Variants in ATXN7 observed in about 807,000 individuals in gnomAD.
ATXN7 encodes the protein ataxin-7.
In ATXN7, 12 loss-of-function variants were observed where a neutral mutation model predicts 70.5. The ratio of observed to expected loss-of-function variants is 0.17; its 90% confidence interval spans 0.11 to 0.28. The LOEUF (loss-of-function observed/expected upper bound fraction) is 0.28. Ranked by LOEUF, ATXN7 falls within the 10% of genes least tolerant of loss-of-function variation. The pLI, the probability that ATXN7 is intolerant of heterozygous loss-of-function variation, is 1.00. For missense variants in ATXN7, 1,256 were observed against 1,131.7 expected (o/e 1.11, Z -1.58); for synonymous variants, 498 against 448.7 (o/e 1.11, Z -1.39).
At chr3:63,943,217 C>T (rs752736646) in intron 4 of ATXN7, among the ~76,000 whole-genome samples, 3 of 152,086 alleles carry the variant, frequency 2.0e-5, no homozygotes, top group Non-Finnish European at 4.4e-5. Context: ...GCAAAGGGCC[C>T]GAAGTGGGGT....
Position 63,973,890 on chromosome 3 carries a change from C to CAT in ATXN7, c.500-6024_500-6023insTA, listed in dbSNP as rs556854969. Among the ~76,000 whole-genome samples, 436 of 151,852 alleles carry CAT rather than the reference C, an allele frequency of 2.9e-3. 1 individual carries two copies. Among genetic ancestry groups the CAT allele is most frequent in the African/African-American group, 0.01 (417 of 41,394 alleles). On this transcript the variant is annotated intron_variant, in intron 5 of 12. Transcript: ENST00000674280. Reference sequence around the variant, plus strand: ...AAAAGTTTAAAGGGAAGGCACAACTCAAAGGTGGGCATGACAGTGTAGAAA... The same window carrying CAT: ...AAAAGTTTAAAGGGAAGGCACAACTCATAAAGGTGGGCATGACAGTGTAGAAA...
intron 1 of ATXN7, among the ~76,000 whole-genome samples, chr3:63,892,390 AC>A (rs1703297211): frequency 6.7e-6 from 1 of 150,184 alleles, no homozygotes; most frequent in Non-Finnish European, 1.5e-5. Context: ...ACACACACAC[AC>A]ACACACACAC....
intron 6 of ATXN7, among the ~76,000 whole-genome samples, chr3:63,980,954 A>G (rs1166823507): frequency 6.6e-6 from 1 of 152,180 alleles, no homozygotes; most frequent in African/African-American, 2.4e-5. Flanking sequence ...GTAGATTGAC[A>G]GGTTTCTTGA....
intron 1 of ATXN7, among the ~76,000 whole-genome samples, chr3:63,880,772 A>G (rs1441082882): frequency 1.3e-5 from 2 of 152,086 alleles, no homozygotes; most frequent in East Asian, 3.9e-4. Context: ...AACCCTGTGT[A>G]TTCAGACACG....
At chr3:63,947,496 G>A (rs1452780255) in intron 4 of ATXN7, among the ~76,000 whole-genome samples, 7 of 152,186 alleles carry the variant, frequency 4.6e-5, no homozygotes, top group Non-Finnish European at 1.0e-4. Context: ...GGAGGCTGAG[G>A]TGGAAGGATC....
chr3:63,945,070 G>T (rs2074836953), intron 4 of ATXN7, among the ~76,000 whole-genome samples: 1 of 152,220 alleles, frequency 6.6e-6, no homozygotes, highest in African/African-American at 2.4e-5. Flanking sequence ...GGGATTACAG[G>T]CATGAGCCAC....
intron 1 of ATXN7, among the ~76,000 whole-genome samples, chr3:63,875,966 A>G (rs1388011256): frequency 1.3e-5 from 2 of 151,984 alleles, no homozygotes; most frequent in Non-Finnish European, 2.9e-5. Context: ...AGCTTTTGGA[A>G]CCTTGTTCTG....
intron 4 of ATXN7, among the ~76,000 whole-genome samples, chr3:63,935,525 C>T (rs1388265866): frequency 6.6e-6 from 1 of 152,172 alleles, no homozygotes; most frequent in Non-Finnish European, 1.5e-5. Flanking sequence ...AATATCTGGG[C>T]TTTGCAACTG....
chr3:63,908,861 G>A (rs774501350), intron 2 of ATXN7, among the ~76,000 whole-genome samples: 1 of 152,140 alleles, frequency 6.6e-6, no homozygotes, highest in African/African-American at 2.4e-5. Context: ...CTAAATTTGG[G>A]TGACGAGATA....
At chr3:63,890,266 A>G (rs751614465) in intron 1 of ATXN7, among the ~76,000 whole-genome samples, 1 of 152,198 alleles carries the variant, frequency 6.6e-6, no homozygotes, top group Non-Finnish European at 1.5e-5. Context: ...TGCCTGTGAG[A>G]AATGGTTTAA....
intron 1 of ATXN7, chr3:63,867,136 T>TG (rs1449439259): frequency 1.3e-5 from 2 of 152,210 alleles, no homozygotes; most frequent in Non-Finnish European, 2.9e-5. Context: ...AGAGTTATCC[T>TG]GGGGGTCTGT....
intron 4 of ATXN7, among the ~76,000 whole-genome samples, chr3:63,915,023 C>T (rs922177245): frequency 4.9e-4 from 74 of 152,160 alleles, no homozygotes; most frequent in Non-Finnish European, 1.0e-4. Context: ...GCAACCTCCA[C>T]CTCCCAGGTT....
intron 1 of ATXN7, among the ~76,000 whole-genome samples, chr3:63,875,619 G>A (rs1434080103): frequency 4.6e-5 from 7 of 152,080 alleles, no homozygotes; most frequent in South Asian, 2.1e-4. Flanking sequence ...GGAGCCCTTC[G>A]ATCTGGCCTT....
chr3:63,970,390 A>T (rs1045109934), intron 5 of ATXN7, among the ~76,000 whole-genome samples: 3 of 152,188 alleles, frequency 2.0e-5, no homozygotes, highest in African/African-American at 7.2e-5. Context: ...TATGTAAGAC[A>T]AGCTGTTTTT....
At chr3:63,984,501 A>G (rs1460249872) in intron 8 of ATXN7, among the ~76,000 whole-genome samples, 7 of 152,228 alleles carry the variant, frequency 4.6e-5, no homozygotes, top group Admixed American at 4.6e-4. Flanking sequence ...AGCCCTGTCC[A>G]CATCATGATC....
chr3:63,947,653 A>T (rs1460099152), intron 4 of ATXN7, among the ~76,000 whole-genome samples: 2 of 152,140 alleles, frequency 1.3e-5, no homozygotes, highest in Admixed American at 1.3e-4. Flanking sequence ...CTTTTGATTG[A>T]GGGAACCAGG....
At chr3:63,917,790 T>C (rs1704342438) in intron 4 of ATXN7, among the ~76,000 whole-genome samples, 1 of 152,228 alleles carries the variant, frequency 6.6e-6, no homozygotes, top group Non-Finnish European at 1.5e-5. Context: ...TGAGTAGAGC[T>C]ACTAGGAAGA....
chr3:63,887,670 C>CA (rs1209192503), intron 1 of ATXN7, among the ~76,000 whole-genome samples: 10 of 152,142 alleles, frequency 6.6e-5, no homozygotes, highest in African/African-American at 2.4e-4. Context: ...ACTGCAGCCT[C>CA]AACCTCCCAG....
chr3:63,961,630 A>G (rs1401675438), intron 5 of ATXN7, among the ~76,000 whole-genome samples: 1 of 152,140 alleles, frequency 6.6e-6, no homozygotes, highest in African/African-American at 2.4e-5. Context: ...AAAACATTAC[A>G]CTGTACTGTA....
Sources: gnomAD v4.1 joint callset for allele counts (sites outside exome capture counted in the v4.1 genomes callset) on GRCh38, gnomAD v4.1.1 for gene constraint, MANE v1.5 for transcripts, NCBI Gene and HGNC (gene_info 2026-07-23, HGNC 2026-07-21) for gene names.